Variants in CCSER1 observed in about 807,000 individuals in gnomAD.
CCSER1 encodes the protein serine-rich coiled-coil domain-containing protein 1.
CCSER1 carries 41 observed loss-of-function variants against 82.0 expected under a neutral mutation model. The observed-to-expected ratio is 0.50, with a 90% confidence interval of 0.39 to 0.65. The LOEUF is 0.65. Among genes scored for constraint, CCSER1 ranks in the 30% least tolerant of loss-of-function variants. The pLI is 0.00. For synonymous variants in CCSER1, 414 were observed against 383.9 expected (o/e 1.08, Z -0.92); for missense variants, 1,119 against 1,064.2 (o/e 1.05, Z -0.72).
intron 10 of CCSER1, among the ~76,000 whole-genome samples, chr4:91,581,293 T>G (rs1331880778): frequency 6.6e-6 from 1 of 151,754 alleles, no homozygotes; most frequent in Non-Finnish European, 1.5e-5. Flanking sequence ...CTCATAGCAG[T>G]GTTTTATTTC....
chr4:90,655,681 G>T (rs1729576077), intron 6 of CCSER1, among the ~76,000 whole-genome samples: 1 of 151,826 alleles, frequency 6.6e-6, no homozygotes, highest in African/African-American at 2.4e-5. Flanking sequence ...CCTAGTTTGG[G>T]TAGTATTGAG....
chr4:90,672,077 G>T (rs755512288), intron 6 of CCSER1, among the ~76,000 whole-genome samples: 37 of 152,004 alleles, frequency 2.4e-4, no homozygotes, highest in Non-Finnish European at 4.6e-4. Flanking sequence ...TTCATTAATT[G>T]AGCATGGGCA....
chr4:91,207,773 A>G (rs1332093966), intron 10 of CCSER1, among the ~76,000 whole-genome samples: 2 of 151,864 alleles, frequency 1.3e-5, no homozygotes, highest in Non-Finnish European at 2.9e-5. Context: ...GTCAAATGGT[A>G]GTTCTGCTTT....
At chr4:90,591,065 G>C (rs189016390) in intron 5 of CCSER1, among the ~76,000 whole-genome samples, 1 of 152,180 alleles carries the variant, frequency 6.6e-6, no homozygotes, top group East Asian at 1.9e-4. Context: ...TAGCAATTGT[G>C]AATGGGAGTT....
intron 10 of CCSER1, among the ~76,000 whole-genome samples, chr4:91,088,129 ATG>A (rs1410380982): frequency 6.6e-6 from 1 of 152,110 alleles, no homozygotes; most frequent in African/African-American, 2.4e-5. Context: ...TTAAATTGAA[ATG>A]TGAGGGTTTA....
chr4:90,426,316 G>T (rs1188601076), intron 4 of CCSER1, among the ~76,000 whole-genome samples: 3 of 152,152 alleles, frequency 2.0e-5, no homozygotes, highest in Non-Finnish European at 4.4e-5. Flanking sequence ...ATTAATATTT[G>T]TCCATGAGGA....
At chr4:90,592,341 A>G (rs1299405436) in intron 5 of CCSER1, among the ~76,000 whole-genome samples, 1 of 152,320 alleles carries the variant, frequency 6.6e-6, no homozygotes, top group African/African-American at 2.4e-5. Context: ...GACCTGTAAG[A>G]CGGCATTAGA....
intron 1 of CCSER1, among the ~76,000 whole-genome samples, chr4:90,244,542 G>T (rs926336224): frequency 6.6e-6 from 1 of 152,144 alleles, no homozygotes; most frequent in Non-Finnish European, 1.5e-5. Context: ...TTGACTCACA[G>T]CTCCACATGG....
chr4:90,661,894 T>C (rs1730861696), intron 6 of CCSER1, among the ~76,000 whole-genome samples: 1 of 151,896 alleles, frequency 6.6e-6, no homozygotes, highest in African/African-American at 2.4e-5. Context: ...ATTACTTCCA[T>C]TCTGCTTAAG....
intron 8 of CCSER1, among the ~76,000 whole-genome samples, chr4:90,836,549 AAAT>A (rs1407003742): frequency 2.6e-5 from 4 of 152,186 alleles, no homozygotes; most frequent in African/African-American, 9.7e-5. Context: ...TTTACTATGA[AAAT>A]AAATGAAGTT....
At chr4:91,536,374 T>C (rs1259533136) in intron 10 of CCSER1, among the ~76,000 whole-genome samples, 1 of 152,040 alleles carries the variant, frequency 6.6e-6, no homozygotes, top group African/African-American at 2.4e-5. Flanking sequence ...CACCAGTACA[T>C]GATAGAGAGA....
intron 8 of CCSER1, among the ~76,000 whole-genome samples, chr4:90,841,868 CTG>C (rs1415042860): frequency 6.6e-6 from 1 of 152,164 alleles, no homozygotes; most frequent in Non-Finnish European, 1.5e-5. Flanking sequence ...AAGTAAAAAA[CTG>C]TGGTTTCTCT....
chr4:91,270,637 T>C (rs918597922), intron 10 of CCSER1, among the ~76,000 whole-genome samples: 4 of 152,154 alleles, frequency 2.6e-5, no homozygotes, highest in African/African-American at 9.7e-5. Flanking sequence ...TCATCCTGAT[T>C]ATACAGACTC....
At chr4:90,379,525 G>A (rs1315326565) in intron 3 of CCSER1, among the ~76,000 whole-genome samples, 1 of 152,156 alleles carries the variant, frequency 6.6e-6, no homozygotes, top group Non-Finnish European at 1.5e-5. Flanking sequence ...TTTCCCACAT[G>A]ATTAATGGTG....
At chr4:90,271,622 A>G (rs552603031) in intron 1 of CCSER1, among the ~76,000 whole-genome samples, 29 of 151,784 alleles carry the variant, frequency 1.9e-4, no homozygotes, top group Non-Finnish European at 3.8e-4. Flanking sequence ...ACAGGCAACT[A>G]AAGCAAAAGT....
At chr4:90,780,832 G>A in intron 7 of CCSER1, 1 of 1,040,688 alleles carries the variant, frequency 9.6e-7, no homozygotes. Context: ...TAAACTGTCA[G>A]TGTATTAGGC....
intron 10 of CCSER1, among the ~76,000 whole-genome samples, chr4:91,270,055 G>A (rs1401122433): frequency 6.6e-6 from 1 of 152,178 alleles, no homozygotes; most frequent in African/African-American, 2.4e-5. Flanking sequence ...AGATATTAAT[G>A]TCTTTGATTA....
At chr4:91,024,550 C>G (rs1030982992) in intron 9 of CCSER1, among the ~76,000 whole-genome samples, 1 of 151,900 alleles carries the variant, frequency 6.6e-6, no homozygotes, top group Admixed American at 6.6e-5. Flanking sequence ...ATACTAAAAT[C>G]CTTCATTAAC....
chr4:90,828,027 G>T (rs1760691450), intron 8 of CCSER1, among the ~76,000 whole-genome samples: 1 of 152,156 alleles, frequency 6.6e-6, no homozygotes, highest in Non-Finnish European at 1.5e-5. Context: ...TGGTCTGTGT[G>T]TGGTGCCGAC....
Sources: gnomAD v4.1 joint callset for allele counts (sites outside exome capture counted in the v4.1 genomes callset) on GRCh38, gnomAD v4.1.1 for gene constraint, MANE v1.5 for transcripts, NCBI Gene and HGNC (gene_info 2026-07-23, HGNC 2026-07-21) for gene names.